Variants in BCAR3 observed in about 807,000 individuals in gnomAD.
The protein encoded by BCAR3 is BCAR3 adaptor protein, NSP family member.
A neutral mutation model predicts 80.1 loss-of-function variants in BCAR3; 37 were observed. The observed-to-expected ratio is 0.46, with a 90% CI of 0.36 to 0.61. The LOEUF is 0.61. BCAR3 is among the 20% of genes least tolerant of loss of function. BCAR3 has a pLI of 0.00. For synonymous variants in BCAR3, 389 were observed against 418.9 expected (o/e 0.93, Z 0.87); for missense variants, 978 against 1,068.2 (o/e 0.92, Z 1.18).
chr1:93,770,205 A>C (rs1173336743), intron 2 of BCAR3, among the ~76,000 whole-genome samples: 1 of 152,214 alleles, frequency 6.6e-6, no homozygotes, highest in Non-Finnish European at 1.5e-5. Flanking sequence ...CAGCAAGAGA[A>C]TACTTCGAGG....
upstream of BCAR3, among the ~76,000 whole-genome samples, chr1:93,682,103 GTTAT>G (rs1557653136): frequency 1.3e-5 from 2 of 152,170 alleles, no homozygotes; most frequent in Non-Finnish European, 2.9e-5. Flanking sequence ...CCTTCCCCGC[GTTAT>G]TTAATTACCC....
intron 3 of BCAR3, among the ~76,000 whole-genome samples, chr1:93,632,792 T>G (rs867018720): frequency 2.0e-5 from 3 of 152,270 alleles, no homozygotes; most frequent in South Asian, 2.1e-4. Context: ...GCCGAGGCAG[T>G]GGATCACCTG....
chr1:93,837,696 C>T (rs1157503480), intron 2 of BCAR3, among the ~76,000 whole-genome samples: 1 of 152,212 alleles, frequency 6.6e-6, no homozygotes, highest in East Asian at 1.9e-4. Context: ...GTAAGTAAGC[C>T]ATATCAGGTT....
At chr1:93,838,795 G>GT (rs151006347) in intron 2 of BCAR3, among the ~76,000 whole-genome samples, 234 of 152,252 alleles carry the variant, frequency 1.5e-3, no homozygotes, top group African/African-American at 5.3e-3. Context: ...TTTGCTACTG[G>GT]TTGTGACTAT....
intron 2 of BCAR3, among the ~76,000 whole-genome samples, chr1:93,673,492 G>A (rs1476454875): frequency 6.6e-6 from 1 of 152,188 alleles, no homozygotes; most frequent in Non-Finnish European, 1.5e-5. Context: ...AAATAAATGA[G>A]CTAGGATCCA....
chr1:93,579,784 C>A (rs1673625038), intron 7 of BCAR3, among the ~76,000 whole-genome samples: 1 of 152,182 alleles, frequency 6.6e-6, no homozygotes, highest in African/African-American at 2.4e-5. Context: ...CTATGGAGAA[C>A]CCACGCAGGT....
intron 5 of BCAR3, among the ~76,000 whole-genome samples, chr1:93,587,442 C>T (rs1673990730): frequency 6.6e-6 from 1 of 152,190 alleles, no homozygotes; most frequent in Non-Finnish European, 1.5e-5. Flanking sequence ...GTACACCTCA[C>T]AAGCTCCATC....
rs114043598 is a variant in BCAR3, at chr1:93,817,627, T to G, written c.-63+27940A>C. On this transcript the variant is annotated intron_variant, in intron 2 of 13. Coordinates refer to the BCAR3 transcript ENST00000370244. ...TTGGTTCTCTGGCCTTCCCTGTGCT[T>G]CTCCATGTCATCTCTGGCAGCATTC... 3.1e-3 allele frequency among the ~76,000 whole-genome samples: 470 copies of G among 152,242 alleles called. 1 individual carries two copies. The highest frequency in any genetic ancestry group is 0.011 in the African/African-American group (459 of 41,528).
At chr1:93,823,310 T>A (rs1654287266) in intron 2 of BCAR3, among the ~76,000 whole-genome samples, 1 of 133,160 alleles carries the variant, frequency 7.5e-6, no homozygotes, top group Admixed American at 7.8e-5. Context: ...CAATTCTCAA[T>A]CTAAACCATT....
At chr1:93,768,831 C>T (rs990952383) in intron 2 of BCAR3, among the ~76,000 whole-genome samples, 1 of 152,146 alleles carries the variant, frequency 6.6e-6, no homozygotes, top group African/African-American at 2.4e-5. Flanking sequence ...GATGCAGGTA[C>T]CCCTCAAGCC....
At position 93,605,477 on chromosome 1, in the gene BCAR3, T is replaced by G. The variant is rs148565768; in HGVS notation, c.358-13084A>C. The G allele has an allele frequency of 8.5e-5, 13 of 152,270 alleles. No homozygotes were observed. In the East Asian group the frequency reaches 2.3e-3, roughly 27 times the overall value. 9.4% of individuals were successfully genotyped at this position (152,270 alleles called of 1,614,324 possible). A position where few individuals can be genotyped will look rare whatever the true frequency, so the allele number is the denominator to read the frequency against. Reference sequence around the variant, plus strand: ...GCTGAGTTCAGCAGCAAGATTACACTCAGTAATAGTAGTGCTTTCTTAACA... The same window carrying G: ...GCTGAGTTCAGCAGCAAGATTACACGCAGTAATAGTAGTGCTTTCTTAACA... On this transcript the variant is annotated intron_variant, in intron 3 of 11. Transcript: ENST00000260502.
At chr1:93,764,660 G>A (rs2100731737) in intron 2 of BCAR3, among the ~76,000 whole-genome samples, 1 of 152,214 alleles carries the variant, frequency 6.6e-6, no homozygotes, top group East Asian at 1.9e-4. Context: ...ATGACACCAA[G>A]CCTGCCCCTC....
chr1:93,690,546 T>G (rs1649152934), intron 3 of BCAR3, among the ~76,000 whole-genome samples: 1 of 152,218 alleles, frequency 6.6e-6, no homozygotes, highest in South Asian at 2.1e-4. Flanking sequence ...CTTTGTGCTC[T>G]TAATCACTAG....
At position 93,589,185 on chromosome 1, in the gene BCAR3, T is replaced by C. The variant is rs1451888176; in HGVS notation, c.721A>G (p.Ile241Val). The C allele has an allele frequency of 2.5e-6, 4 of 1,613,844 alleles. No homozygotes were observed. Among genetic ancestry groups the C allele is most frequent in the East Asian group, 4.5e-5 (2 of 44,874 alleles). Reference sequence around the variant, plus strand: ...ATGATGGCGCCACTCTGCTGGGAGATGGGCCGGCGGTTGCCCACGTAGCAG... The same window carrying C: ...ATGATGGCGCCACTCTGCTGGGAGACGGGCCGGCGGTTGCCCACGTAGCAG... ...VRCYVGNRRPISQQSGAIIFQ... is the reference protein window; with the variant it reads ...VRCYVGNRRPVSQQSGAIIFQ... Residue 241 changes from isoleucine (I) to valine (V), a missense_variant, in exon 5 of 12, where the codon ATC becomes GTC. Transcript: ENST00000260502.
chr1:93,646,710 C>G (rs1239847603), intron 2 of BCAR3: 1 of 151,874 alleles, frequency 6.6e-6, no homozygotes, highest in Non-Finnish European at 1.5e-5. Flanking sequence ...CAGCCCAAGA[C>G]AGAATAATCT....
intron 2 of BCAR3, among the ~76,000 whole-genome samples, chr1:93,799,227 G>A (rs1653392535): frequency 6.6e-6 from 1 of 152,172 alleles, no homozygotes; most frequent in South Asian, 2.1e-4. Context: ...TTTGGGGCTG[G>A]AACACCCAGG....
upstream of BCAR3, among the ~76,000 whole-genome samples, chr1:93,683,113 A>G (rs1397910878): frequency 2.6e-5 from 4 of 152,220 alleles, no homozygotes; most frequent in Non-Finnish European, 4.4e-5. Context: ...TTGTTTACAG[A>G]TATATAAAGA....
At chr1:93,659,871 G>C (rs1647567737) in intron 2 of BCAR3, among the ~76,000 whole-genome samples, 1 of 151,676 alleles carries the variant, frequency 6.6e-6, no homozygotes, top group Non-Finnish European at 1.5e-5. Flanking sequence ...CATCTCCTCA[G>C]TGCTCCTTTC....
intron 2 of BCAR3, among the ~76,000 whole-genome samples, chr1:93,737,957 C>G (rs1270887664): frequency 6.6e-6 from 1 of 152,170 alleles, no homozygotes; most frequent in Non-Finnish European, 1.5e-5. Flanking sequence ...CTCAACCTCA[C>G]AAGTAGCTAG....
Sources: allele counts gnomAD v4.1 joint callset (sites outside exome capture counted in the v4.1 genomes callset), GRCh38; gene constraint gnomAD v4.1.1; transcripts MANE v1.5; gene names NCBI Gene and HGNC (gene_info 2026-07-23, HGNC 2026-07-21).